Variants in CTNND2 observed in about 807,000 individuals in gnomAD.
CTNND2 encodes catenin delta 2.
In CTNND2, 22 loss-of-function variants were observed where a neutral mutation model predicts 144.4. The ratio of observed to expected loss-of-function variants is 0.15; its 90% CI spans 0.11 to 0.22. The LOEUF (loss-of-function observed/expected upper bound fraction) is 0.22. Ranked by LOEUF, CTNND2 falls within the 10% of genes least tolerant of loss-of-function variation. The pLI is 1.00. For missense variants in CTNND2, 1,353 were observed against 1,618.8 expected (o/e 0.84, Z 2.82); for synonymous variants, 751 against 695.6 (o/e 1.08, Z -1.25).
rs961500922 is a variant in CTNND2, at chr5:10,971,902, C to T, written c.*1551G>A. ...TAACATTTACTAGGCACCTATTGGC[C>T]TCAGCCACTTGCATCTAAAGAGCAA... On this transcript the variant is annotated 3_prime_UTR_variant, in exon 22 of 22. Coordinates refer to ENST00000304623, the MANE Select transcript of CTNND2 (RefSeq NM_001332.4). 1 of 152,616 alleles carries T rather than the reference C, an allele frequency of 6.6e-6. No homozygotes were observed. The highest frequency in any genetic ancestry group is 2.4e-5 in the African/African-American group (1 of 41,436). The allele number at this position is 152,616 out of a possible 1,614,324, so 9.5% of individuals were successfully genotyped here.
rs73053759 is a variant in CTNND2, at chr5:11,254,555, C to A, written c.1629-17732G>T. Among the ~76,000 whole-genome samples the A allele has an allele frequency of 8.2e-3, 1,245 of 152,242 alleles. 10 individuals are homozygous for A. Among genetic ancestry groups the A allele is most frequent in the African/African-American group, 0.028 (1,158 of 41,538 alleles). ...CAGAGGTGCAGGCTGTGGTCAGAGG[C>A]AACATCTCCAAGAAGGCTTTCTTCT... On this transcript the variant is annotated intron_variant, in intron 9 of 21. Coordinates refer to ENST00000304623, the MANE Select transcript of CTNND2 (RefSeq NM_001332.4).
chr5:11,437,364 C>T (rs973801497), intron 3 of CTNND2, among the ~76,000 whole-genome samples: 2 of 152,184 alleles, frequency 1.3e-5, no homozygotes, highest in East Asian at 1.9e-4. Flanking sequence ...GTGCCCACCA[C>T]GGTGCCAGGA....
intron 1 of CTNND2, among the ~76,000 whole-genome samples, chr5:11,804,085 T>C (rs1161576751): frequency 6.6e-6 from 1 of 152,220 alleles, no homozygotes; most frequent in African/African-American, 2.4e-5. Context: ...TCTAGGCAGA[T>C]GCACTTTTAA....
At chr5:11,469,653 A>G (rs1238882046) in intron 3 of CTNND2, among the ~76,000 whole-genome samples, 1 of 152,244 alleles carries the variant, frequency 6.6e-6, no homozygotes, top group Non-Finnish European at 1.5e-5. Context: ...CCAGCTTCTC[A>G]GAAAATTCTC....
chr5:11,677,612 A>C (rs1784234835), intron 2 of CTNND2, among the ~76,000 whole-genome samples: 1 of 152,178 alleles, frequency 6.6e-6, no homozygotes, highest in Non-Finnish European at 1.5e-5. Context: ...CTGATAGATA[A>C]TAATGTGTTT....
At chr5:11,264,563 C>T (rs1372329630) in intron 9 of CTNND2, among the ~76,000 whole-genome samples, 2 of 152,186 alleles carry the variant, frequency 1.3e-5, no homozygotes, top group South Asian at 4.1e-4. Flanking sequence ...GACACCACAT[C>T]TCCAGAAGCC....
At chr5:11,875,212 A>C (rs773729859) in intron 1 of CTNND2, among the ~76,000 whole-genome samples, 1 of 152,172 alleles carries the variant, frequency 6.6e-6, no homozygotes, top group Non-Finnish European at 1.5e-5. Context: ...CTCTAAGTAC[A>C]AGCTAGCTGT....
chr5:11,510,057 A>T (rs1463137749), intron 3 of CTNND2, among the ~76,000 whole-genome samples: 1 of 152,158 alleles, frequency 6.6e-6, no homozygotes, highest in Non-Finnish European at 1.5e-5. Context: ...TCAGCCTCCG[A>T]GTAGCTGCAA....
At chr5:11,165,084 C>T (rs1486467063) in intron 11 of CTNND2, among the ~76,000 whole-genome samples, 1 of 152,142 alleles carries the variant, frequency 6.6e-6, no homozygotes, top group Non-Finnish European at 1.5e-5. Flanking sequence ...ATAGCGTTAG[C>T]AAAATGACGT....
At chr5:11,168,302 A>C (rs1759552835) in intron 11 of CTNND2, among the ~76,000 whole-genome samples, 1 of 152,320 alleles carries the variant, frequency 6.6e-6, no homozygotes, top group African/African-American at 2.4e-5. Context: ...CCTATCTGCA[A>C]CTGGCAATGC....
chr5:11,537,053 T>C (rs886317764), intron 3 of CTNND2, among the ~76,000 whole-genome samples: 1 of 151,374 alleles, frequency 6.6e-6, no homozygotes, highest in Non-Finnish European at 1.5e-5. Flanking sequence ...AGGCAGCAGG[T>C]GGGGGGAAGG....
At chr5:11,245,512 T>G (rs1341430113) in intron 9 of CTNND2, among the ~76,000 whole-genome samples, 1 of 151,990 alleles carries the variant, frequency 6.6e-6, no homozygotes, top group African/African-American at 2.4e-5. Context: ...GTGCTGAGCA[T>G]GGAGGAGGGG....
intron 12 of CTNND2, among the ~76,000 whole-genome samples, chr5:11,152,499 C>T (rs913826232): frequency 1.1e-4 from 16 of 152,124 alleles, no homozygotes; most frequent in African/African-American, 3.4e-4. Context: ...GTGTTTACGG[C>T]GTTTCCATAA....
intron 3 of CTNND2, among the ~76,000 whole-genome samples, chr5:11,544,279 T>C (rs1194793486): frequency 6.6e-5 from 10 of 152,068 alleles, no homozygotes; most frequent in Non-Finnish European, 1.5e-4. Context: ...AAGAAAAAAT[T>C]GAACTTCTAG....
chr5:11,540,353 C>T (rs1774610292), intron 3 of CTNND2, among the ~76,000 whole-genome samples: 1 of 152,180 alleles, frequency 6.6e-6, no homozygotes, highest in African/African-American at 2.4e-5. Flanking sequence ...GAAGGATGCA[C>T]TGTTCCCCTT....
chr5:11,582,518 A>T (rs951711399), intron 2 of CTNND2, among the ~76,000 whole-genome samples: 1 of 152,226 alleles, frequency 6.6e-6, no homozygotes, highest in Admixed American at 6.5e-5. Context: ...TGGTGAGAGC[A>T]TCAAGCACAG....
chr5:11,421,297 T>C (rs1340094748), intron 3 of CTNND2, among the ~76,000 whole-genome samples: 3 of 152,206 alleles, frequency 2.0e-5, no homozygotes, highest in African/African-American at 7.2e-5. Flanking sequence ...TTGCTTTTCA[T>C]GCCCAACCCC....
intron 9 of CTNND2, among the ~76,000 whole-genome samples, chr5:11,307,895 G>A (rs1365095688): frequency 6.6e-6 from 1 of 152,144 alleles, no homozygotes; most frequent in Non-Finnish European, 1.5e-5. Context: ...AGGACTTTGG[G>A]AGGTGATTAG....
At chr5:11,248,200 AG>A (rs1743202903) in intron 9 of CTNND2, among the ~76,000 whole-genome samples, 1 of 152,226 alleles carries the variant, frequency 6.6e-6, no homozygotes, top group South Asian at 2.1e-4. Flanking sequence ...TACTCGGATC[AG>A]GAGATTTAAG....
Sources: allele counts gnomAD v4.1 joint callset (sites outside exome capture counted in the v4.1 genomes callset), GRCh38; gene constraint gnomAD v4.1.1; transcripts MANE v1.5; gene names NCBI Gene and HGNC (gene_info 2026-07-23, HGNC 2026-07-21).